Variants in DYNC1LI2 observed in about 807,000 individuals in gnomAD.
DYNC1LI2 encodes the protein dynein cytoplasmic 1 light intermediate chain 2, also known as cytoplasmic dynein 1 light intermediate chain 2.
DYNC1LI2 carries 19 observed loss-of-function variants against 57.8 expected under a neutral mutation model. The observed-to-expected ratio is 0.33, with a 90% CI of 0.23 to 0.48. DYNC1LI2 has a LOEUF of 0.48. Ranked by LOEUF, DYNC1LI2 falls within the 20% of genes least tolerant of loss-of-function variation. The pLI, the probability that DYNC1LI2 is intolerant of heterozygous loss-of-function variation, is 0.99. For missense variants in DYNC1LI2, 470 were observed against 604.2 expected (o/e 0.78, Z 2.33); for synonymous variants, 256 against 233.4 (o/e 1.10, Z -0.88).
rs764051472 is a variant in DYNC1LI2, at chr16:66,751,425, C to T, written c.107+60G>A. Reference sequence around the variant, plus strand: ...GCTCGCGTCGGCCCCTCAGTGTGTCCGACGGTCCGGCCCAGAGGCCGCGCC... The same window carrying T: ...GCTCGCGTCGGCCCCTCAGTGTGTCTGACGGTCCGGCCCAGAGGCCGCGCC... On this transcript the variant is annotated intron_variant, in intron 1 of 12. Transcript: ENST00000258198. The surrounding 1 kb of genome is among the most constrained non-coding windows in gnomAD (Gnocchi z 5.2). 2.3e-5 allele frequency: 37 copies of T among 1,588,066 alleles called. No individual in the cohort carries two copies. Among genetic ancestry groups the T allele is most frequent in the Non-Finnish European group, 3.0e-5 (35 of 1,169,644 alleles).
rs117200354 is a variant in DYNC1LI2 at position 66,737,928 on chromosome 16, A to G, written c.530-1684T>C. On this transcript the variant is annotated intron_variant, in intron 4 of 12. Coordinates refer to ENST00000258198, the MANE Select transcript of DYNC1LI2 (RefSeq NM_006141.3). ...GCTACCTTGAGCCAGAGAAGAAAAC[A>G]GGCAGCTCTACCCTTCTAAGTCCAG... Among the ~76,000 whole-genome samples the G allele has an allele frequency of 2.0e-5, 3 of 152,318 alleles. No individual in the cohort carries two copies. The East Asian group carries it at 5.8e-4, about 29-fold the overall frequency.
intron 5 of DYNC1LI2, among the ~76,000 whole-genome samples, chr16:66,735,429 A>G (rs1458826683): frequency 6.6e-6 from 1 of 151,930 alleles, no homozygotes; most frequent in African/African-American, 2.4e-5. Context: ...CTACCTCATC[A>G]TTCTAATTTT....
chr16:66,736,210 T>C lies in DYNC1LI2; in HGVS notation c.564A>G (p.Glu188=). The C allele has an allele frequency of 6.2e-7, 1 of 1,614,038 alleles. No individual in the cohort carries two copies. The highest frequency in any genetic ancestry group is 8.5e-7 in the Non-Finnish European group (1 of 1,180,020). ...VKDFQDYMEP[E]EGCQGSPQRR... ...TCTGTGGGGAACCTTGACAACCTTC[T>C]TCAGGTTCCATATAGTCTTGAAAAT... Residue 188 remains glutamate (E), a synonymous_variant, in exon 5 of 13, where the codon GAA becomes GAG. Transcript: ENST00000258198.
Position 66,741,102 on chromosome 16 carries a change from T to C in DYNC1LI2, c.529+1336A>G, listed in dbSNP as rs576882472. On this transcript the variant is annotated intron_variant, in intron 4 of 12. Coordinates refer to ENST00000258198, the MANE Select transcript of DYNC1LI2 (RefSeq NM_006141.3). ...CAGTATAGGGCAGACACTTTCCCTA[T>C]CTGGGAAAAAACAATATTGGCTCAA... Among the ~76,000 whole-genome samples, 16 of 152,270 alleles carry C rather than the reference T, an allele frequency of 1.1e-4. No homozygotes were observed. In the East Asian group the frequency reaches 2.1e-3, roughly 20 times the overall value.
At chr16:66,731,707 T>C (rs1033146787) in intron 7 of DYNC1LI2, 1 of 152,290 alleles carries the variant, frequency 6.6e-6, no homozygotes, top group African/African-American at 2.4e-5. Flanking sequence ...AATAATGTAA[T>C]TGTTTGTTAA....
At chr16:66,726,040 T>C in intron 11 of DYNC1LI2, 96 bp from the exon 12 acceptor site, 7 of 1,271,684 alleles carry the variant, frequency 5.5e-6, no homozygotes, top group Non-Finnish European at 6.6e-6. Context: ...CACTTGTGGC[T>C]ATCAGCTTCC....
intron 6 of DYNC1LI2, 138 bp downstream of exon 6, chr16:66,734,080 T>C (rs2017686139): frequency 2.9e-6 from 2 of 692,656 alleles, no homozygotes; most frequent in Non-Finnish European, 2.4e-6. Context: ...CAGTAAAACA[T>C]AAACCTAGTA....
chr16:66,724,540 A>T (rs892714329), intron 12 of DYNC1LI2: 2 of 152,206 alleles, frequency 1.3e-5, no homozygotes, highest in African/African-American at 4.8e-5. Context: ...CTTATAGCCA[A>T]TGGAAAATGG....
chr16:66,730,408 G>A (rs774199599), intron 7 of DYNC1LI2, 185 bp from the exon 8 acceptor site: 10 of 542,264 alleles, frequency 1.8e-5, no homozygotes, highest in Middle Eastern at 5.0e-4. Flanking sequence ...TCAGAACATC[G>A]CAGGTCCTGC....
At chr16:66,735,754 C>A (rs1027819117) in intron 5 of DYNC1LI2, among the ~76,000 whole-genome samples, 1 of 152,136 alleles carries the variant, frequency 6.6e-6, no homozygotes, top group African/African-American at 2.4e-5. Flanking sequence ...GATCCGCCCA[C>A]CTCAGCCTCC....
intron 3 of DYNC1LI2, among the ~76,000 whole-genome samples, chr16:66,743,196 AAAC>A (rs541671277): frequency 1.8e-5 from 2 of 108,756 alleles, no homozygotes; most frequent in East Asian, 3.4e-4. Flanking sequence ...AAAACAAAAC[AAAC>A]AAAAAAAACT....
chr16:66,748,604 T>C (rs1390683203), intron 3 of DYNC1LI2, among the ~76,000 whole-genome samples: 1 of 152,132 alleles, frequency 6.6e-6, no homozygotes, highest in Non-Finnish European at 1.5e-5. Flanking sequence ...ACGGTCTCGC[T>C]CTGTCACCCA....
chr16:66,723,583 AG>A lies in DYNC1LI2; in HGVS notation c.*138del. ...ATTTCACACTCGGACAAGCCAATGA[AG>A]TTTTTTTTTTTTTTTTAAAGTTCAT... On this transcript the variant is annotated 3_prime_UTR_variant, in exon 13 of 13. Transcript: ENST00000258198. 1 of 667,944 alleles carries A rather than the reference AG, an allele frequency of 1.5e-6. No homozygotes were observed. Among genetic ancestry groups the A allele is most frequent in the Non-Finnish European group, 2.5e-6 (1 of 396,220 alleles). 41.4% of individuals were successfully genotyped at this position (667,944 alleles called of 1,614,324 possible). A position where few individuals can be genotyped will look rare whatever the true frequency, so the allele number is the denominator to read the frequency against.
At chr16:66,740,833 A>G (rs1369101143) in intron 4 of DYNC1LI2, among the ~76,000 whole-genome samples, 4 of 152,172 alleles carry the variant, frequency 2.6e-5, no homozygotes, top group Non-Finnish European at 5.9e-5. Context: ...CCAGGGCTCT[A>G]ATTTCCAGTC....
At chr16:66,749,144 G>A (rs200244788) in intron 3 of DYNC1LI2, 53 bp downstream of exon 3, 207 of 1,560,466 alleles carry the variant, frequency 1.3e-4, no homozygotes, top group Non-Finnish European at 1.8e-4. Context: ...ACCCAAGGAA[G>A]CAGTCAGAGT....
At position 66,742,290 on chromosome 16, in the gene DYNC1LI2, G is replaced by A. The variant is rs932250820; in HGVS notation, c.529+148C>T. 8 of 750,450 alleles carry A rather than the reference G, an allele frequency of 1.1e-5. No individual in the cohort carries two copies. The African/African-American group carries it at 1.2e-4, about 12-fold the overall frequency. 46.5% of individuals were successfully genotyped at this position (750,450 alleles called of 1,614,324 possible). On this transcript the variant is annotated intron_variant, in intron 4 of 12. Transcript: ENST00000258198. ...TGCTTTGAATACTTTTGACTACTGA[G>A]TTTACAAGAGGAACTCTGAAATAAA...
intron 4 of DYNC1LI2, among the ~76,000 whole-genome samples, chr16:66,739,702 C>G (rs1596994186): frequency 6.6e-6 from 1 of 152,150 alleles, no homozygotes; most frequent in East Asian, 1.9e-4. Context: ...GCTGGGGTTA[C>G]AAGCATTGAG....
At chr16:66,740,446 T>C (rs944186089) in intron 4 of DYNC1LI2, among the ~76,000 whole-genome samples, 2 of 152,140 alleles carry the variant, frequency 1.3e-5, no homozygotes, top group Admixed American at 6.5e-5. Flanking sequence ...TCCTCCAACA[T>C]ACAACACAAA....
chr16:66,747,086 T>C (rs1419152954), intron 3 of DYNC1LI2, among the ~76,000 whole-genome samples: 1 of 151,424 alleles, frequency 6.6e-6, no homozygotes, highest in Non-Finnish European at 1.5e-5. Flanking sequence ...CTCAACATTT[T>C]TTTTTTTTTT....
Sources: allele counts gnomAD v4.1 joint callset (sites outside exome capture counted in the v4.1 genomes callset), GRCh38; gene constraint gnomAD v4.1.1; non-coding constraint Gnocchi (gnomAD v3.1); transcripts MANE v1.5; gene names NCBI Gene and HGNC (gene_info 2026-07-23, HGNC 2026-07-21).